Variants in ADAMTSL1 observed in about 807,000 individuals in gnomAD.
The protein encoded by ADAMTSL1 is ADAMTS-like protein 1.
Under a neutral mutation model 201.8 loss-of-function variants are expected in ADAMTSL1, and 126 were observed. That is an observed-to-expected ratio of 0.62 (90% CI 0.54 to 0.72). The LOEUF is 0.72. ADAMTSL1 is among the 30% of genes least tolerant of loss of function. The pLI, the probability that ADAMTSL1 is intolerant of heterozygous loss-of-function variation, is 0.00. For synonymous variants in ADAMTSL1, 1,121 were observed against 903.4 expected, an observed-to-expected ratio of 1.24 and a Z score of -4.32; for missense variants, 2,679 against 2,277.8, an observed-to-expected ratio of 1.18 and a Z score of -3.59.
At chr9:18,350,336 G>A (rs1835912019) in intron 2 of ADAMTSL1, among the ~76,000 whole-genome samples, 1 of 151,960 alleles carries the variant, frequency 6.6e-6, no homozygotes, top group Non-Finnish European at 1.5e-5. Flanking sequence ...AAGGGCAGGG[G>A]GGAAAAAGAG....
chr9:18,437,947 C>T (rs760154971), intron 2 of ADAMTSL1, among the ~76,000 whole-genome samples: 16 of 152,252 alleles, frequency 1.1e-4, no homozygotes, highest in Non-Finnish European at 1.6e-4. Flanking sequence ...CGCCATTCCC[C>T]GGGCACTTAT....
chr9:18,496,166 T>C (rs1451283120), intron 1 of ADAMTSL1, among the ~76,000 whole-genome samples: 1 of 152,238 alleles, frequency 6.6e-6, no homozygotes, highest in Admixed American at 6.5e-5. Context: ...TAATTTATTC[T>C]ATACTGACTC....
intron 2 of ADAMTSL1, among the ~76,000 whole-genome samples, chr9:18,370,844 T>A (rs1837013953): frequency 6.6e-6 from 1 of 152,126 alleles, no homozygotes; most frequent in Non-Finnish European, 1.5e-5. Context: ...GAAATTGAGG[T>A]ACATAATCCC....
intron 1 of ADAMTSL1, among the ~76,000 whole-genome samples, chr9:18,116,869 T>G (rs2131901238): frequency 6.6e-6 from 1 of 152,342 alleles, no homozygotes; most frequent in South Asian, 2.1e-4. Context: ...TCCACCTGTC[T>G]TCTTGACATC....
chr9:18,577,969 C>G lies in ADAMTSL1; in HGVS notation c.474+3703C>G, dbSNP rs1017012577. On this transcript the variant is annotated intron_variant, in intron 4 of 28. Transcript: ENST00000380548. ...GATAGTTTGTCTTATGAGAAAGTTA[C>G]TGCCCTTTACTTTTCTCTTTTTTTT... Among the ~76,000 whole-genome samples, 4 of 147,688 alleles carry G rather than the reference C, an allele frequency of 2.7e-5. 1 individual carries two copies. The highest frequency in any genetic ancestry group is 4.2e-4 in the East Asian group (2 of 4,754).
rs1177492206 is a variant in ADAMTSL1 at position 18,506,965 on chromosome 9, A to T, written c.191+2009A>T. Among the ~76,000 whole-genome samples the T allele has an allele frequency of 1.3e-5, 2 of 152,222 alleles. 1 individual carries two copies. The highest frequency in any genetic ancestry group is 4.8e-5 in the African/African-American group (2 of 41,464). On this transcript the variant is annotated intron_variant, in intron 2 of 28. Transcript: ENST00000380548. ...CTTAGTATGGACTGATACATTATCCACATGGATATGTTCTATACTTTTAAA... is the reference window on the plus strand; with the variant it reads ...CTTAGTATGGACTGATACATTATCCTCATGGATATGTTCTATACTTTTAAA...
At chr9:18,654,210 C>G (rs35743622) in intron 7 of ADAMTSL1, among the ~76,000 whole-genome samples, 17,415 of 152,264 alleles carry the variant, frequency 0.11, 1,298 homozygotes, top group Non-Finnish European at 0.16. Flanking sequence ...CCCTGGGTGA[C>G]AGAGTGAGAC....
At position 18,694,551 on chromosome 9, in the gene ADAMTSL1, C is replaced by A. The variant is rs563905107; in HGVS notation, c.1574+9751C>A. On this transcript the variant is annotated intron_variant, in intron 13 of 28. Transcript: ENST00000380548. ...TACAGACCCCGTGCAAGTCAGAAAC[C>A]CAGCAGGGCGGTCATTAAATCTTAA... Among the ~76,000 whole-genome samples the A allele has an allele frequency of 6.6e-5, 10 of 152,234 alleles. No homozygotes were observed. The South Asian group carries it at 2.1e-3, about 32-fold the overall frequency.
chr9:17,914,556 G>A (rs1826014278), intron 1 of ADAMTSL1, among the ~76,000 whole-genome samples: 1 of 150,508 alleles, frequency 6.6e-6, no homozygotes, highest in African/African-American at 2.4e-5. Flanking sequence ...CAAACCCACA[G>A]CCAATATCAT....
At chr9:18,273,967 CG>C (rs1563850508) in intron 2 of ADAMTSL1, among the ~76,000 whole-genome samples, 1 of 152,160 alleles carries the variant, frequency 6.6e-6, no homozygotes, top group Admixed American at 6.5e-5. Context: ...CCCTAAAATG[CG>C]TAAATCCTGC....
At chr9:18,554,598 C>G (rs1460764594) in intron 3 of ADAMTSL1, among the ~76,000 whole-genome samples, 2 of 151,746 alleles carry the variant, frequency 1.3e-5, no homozygotes, top group African/African-American at 4.8e-5. Context: ...AACTTCTACC[C>G]CCAACCTTTA....
At chr9:18,436,215 A>T (rs957156730) in intron 2 of ADAMTSL1, among the ~76,000 whole-genome samples, 1 of 152,034 alleles carries the variant, frequency 6.6e-6, no homozygotes, top group Non-Finnish European at 1.5e-5. Context: ...ATTGTGCAGG[A>T]CTGTAAATGC....
At chr9:18,089,556 T>TATAC (rs1279429279) in intron 1 of ADAMTSL1, among the ~76,000 whole-genome samples, 2 of 152,122 alleles carry the variant, frequency 1.3e-5, no homozygotes, top group Non-Finnish European at 2.9e-5. Flanking sequence ...ATGGCATGTG[T>TATAC]ATACACATGT....
chr9:18,656,644 A>T (rs1828700259), intron 7 of ADAMTSL1, among the ~76,000 whole-genome samples: 1 of 151,632 alleles, frequency 6.6e-6, no homozygotes, highest in Admixed American at 6.6e-5. Flanking sequence ...AAAAAAAAAA[A>T]AGAAAATGTT....
intron 1 of ADAMTSL1, among the ~76,000 whole-genome samples, chr9:18,033,717 G>A (rs190754971): frequency 9.9e-5 from 15 of 152,222 alleles, no homozygotes; most frequent in Admixed American, 5.9e-4. Context: ...TGCCCTCACC[G>A]TCTGCACGCT....
At chr9:18,791,252 A>AC (rs1056933129) in intron 19 of ADAMTSL1, among the ~76,000 whole-genome samples, 4 of 151,982 alleles carry the variant, frequency 2.6e-5, no homozygotes, top group Non-Finnish European at 4.4e-5. Context: ...CCTGCATGGG[A>AC]CCCCCCTCCA....
chr9:18,159,594 C>A (rs1827300178), intron 1 of ADAMTSL1, among the ~76,000 whole-genome samples: 1 of 152,008 alleles, frequency 6.6e-6, no homozygotes, highest in Non-Finnish European at 1.5e-5. Flanking sequence ...TTCCAAAAGA[C>A]AAACCGGTTG....
intron 28 of ADAMTSL1, 71 bp from the exon 29 acceptor site, chr9:18,908,370 AG>A: frequency 7.6e-7 from 1 of 1,317,986 alleles, no homozygotes; most frequent in Non-Finnish European, 1.1e-6. Context: ...CACCTCACAC[AG>A]GCTGCGTTCA....
intron 23 of ADAMTSL1, among the ~76,000 whole-genome samples, chr9:18,855,797 A>C (rs1462651925): frequency 6.6e-6 from 1 of 152,210 alleles, no homozygotes; most frequent in East Asian, 1.9e-4. Flanking sequence ...AAATTCATTC[A>C]ACGCCCTGTC....
Sources: allele counts gnomAD v4.1 joint callset (sites outside exome capture counted in the v4.1 genomes callset), GRCh38; gene constraint gnomAD v4.1.1; transcripts MANE v1.5; gene names NCBI Gene and HGNC (gene_info 2026-07-23, HGNC 2026-07-21).